The following WWP2 variants were observed in gnomAD, a reference collection of about 807,000 sequenced individuals.
The protein encoded by WWP2 is WW domain containing E3 ubiquitin protein ligase 2, also known as NEDD4-like E3 ubiquitin-protein ligase WWP2.
WWP2 carries 57 observed loss-of-function variants against 121.0 expected under a neutral mutation model. The observed-to-expected ratio is 0.47, with a 90% CI of 0.38 to 0.59. The LOEUF is 0.59. Among genes scored for constraint, WWP2 ranks in the 20% least tolerant of loss-of-function variants. WWP2 has a pLI of 0.00. For synonymous variants in WWP2, 449 were observed against 441.3 expected, an observed-to-expected ratio of 1.02 and a Z score of -0.22; for missense variants, 962 against 1,158.9, an observed-to-expected ratio of 0.83 and a Z score of 2.47.
At chr16:69,777,237 C>T (rs2151777464) in intron 1 of WWP2, among the ~76,000 whole-genome samples, 1 of 151,218 alleles carries the variant, frequency 6.6e-6, no homozygotes, top group East Asian at 1.9e-4. Flanking sequence ...AATATATATA[C>T]ATGTATATTT....
At chr16:69,894,405 C>T (rs546772274) in intron 8 of WWP2, among the ~76,000 whole-genome samples, 1 of 152,242 alleles carries the variant, frequency 6.6e-6, no homozygotes, top group East Asian at 1.9e-4. Context: ...AAATATGCAG[C>T]AGATGAGACT....
intron 6 of WWP2, among the ~76,000 whole-genome samples, chr16:69,867,962 A>G (rs1446110206): frequency 2.0e-5 from 3 of 152,232 alleles, no homozygotes; most frequent in Non-Finnish European, 4.4e-5. Context: ...TGGTTTCAGC[A>G]TCTGGGCCAG....
chr16:69,769,038 G>A (rs113299486), intron 1 of WWP2, among the ~76,000 whole-genome samples: 11 of 152,294 alleles, frequency 7.2e-5, no homozygotes, highest in African/African-American at 2.4e-4. Context: ...ATGAGTGCAG[G>A]CTGGGCGCAG....
At chr16:69,854,226 C>G (rs2057270076) in intron 6 of WWP2, among the ~76,000 whole-genome samples, 1 of 152,202 alleles carries the variant, frequency 6.6e-6, no homozygotes, top group Non-Finnish European at 1.5e-5. Flanking sequence ...ACTTTCTAGT[C>G]TTGAGAGCTT....
rs948898560 is a variant in WWP2 at position 69,806,705 on chromosome 16, A to G, written c.340+7410A>G. ...AAATTTATTAGAATAAGGGTTTTAAATATCATTCTCAGTTTAAAAACGTCT... is the reference window on the plus strand; with the variant it reads ...AAATTTATTAGAATAAGGGTTTTAAGTATCATTCTCAGTTTAAAAACGTCT... On this transcript the variant is annotated intron_variant, in intron 4 of 23. Transcript: ENST00000359154. Among the ~76,000 whole-genome samples the G allele has an allele frequency of 2.0e-5, 3 of 152,254 alleles. No homozygotes were observed. The South Asian group carries it at 6.2e-4, about 32-fold the overall frequency.
At chr16:69,910,630 T>C (rs1007418507) in intron 9 of WWP2, among the ~76,000 whole-genome samples, 6 of 152,198 alleles carry the variant, frequency 3.9e-5, no homozygotes, top group African/African-American at 1.4e-4. Context: ...AGGCTGGTCT[T>C]GAACTCTTGA....
intron 8 of WWP2, among the ~76,000 whole-genome samples, chr16:69,892,586 T>G (rs2058046764): frequency 6.6e-6 from 1 of 152,200 alleles, no homozygotes; most frequent in Non-Finnish European, 1.5e-5. Flanking sequence ...CAAGCTGGAG[T>G]GCAGTTGTGC....
chr16:69,840,395 C>A, intron 5 of WWP2, 132 bp downstream of exon 5: 1 of 1,218,924 alleles, frequency 8.2e-7, no homozygotes. Context: ...CCATAGCTAG[C>A]CCGGACTCTT....
intron 8 of WWP2, among the ~76,000 whole-genome samples, chr16:69,904,916 C>G (rs1008856282): frequency 2.0e-5 from 3 of 152,216 alleles, no homozygotes; most frequent in Admixed American, 6.5e-5. Context: ...AAGCTGTCTC[C>G]ATACTTCCAG....
At chr16:69,818,974 A>G (rs1264383853) in intron 4 of WWP2, among the ~76,000 whole-genome samples, 1 of 152,138 alleles carries the variant, frequency 6.6e-6, no homozygotes, top group East Asian at 1.9e-4. Flanking sequence ...GAACTGTTGA[A>G]ATCTGAGTCA....
intron 1 of WWP2, among the ~76,000 whole-genome samples, chr16:69,766,816 C>T (rs1597630706): frequency 6.6e-6 from 1 of 152,080 alleles, no homozygotes; most frequent in African/African-American, 2.4e-5. Context: ...TGCAATGGTA[C>T]GATCTTGGCT....
intron 7 of WWP2, among the ~76,000 whole-genome samples, chr16:69,872,321 ATTC>A (rs2057656683): frequency 6.6e-6 from 1 of 150,726 alleles, no homozygotes; most frequent in Non-Finnish European, 1.5e-5. Flanking sequence ...GGTTCATGCC[ATTC>A]TTCTGCCTCA....
chr16:69,775,270 C>A (rs1281197281), intron 1 of WWP2: 1 of 152,146 alleles, frequency 6.6e-6, no homozygotes, highest in Non-Finnish European at 1.5e-5. Context: ...GGTCATATGA[C>A]CCGTTTCAGG....
At chr16:69,850,367 A>G (rs2057182885) in intron 6 of WWP2, among the ~76,000 whole-genome samples, 1 of 148,290 alleles carries the variant, frequency 6.7e-6, no homozygotes, top group African/African-American at 2.5e-5. Flanking sequence ...AGCCTGGGCA[A>G]CAGACTGAGA....
At position 69,941,527 on chromosome 16, in the gene WWP2, T is replaced by G. The variant is rs2058880547; in HGVS notation, c.*1587T>G. On this transcript the variant is annotated 3_prime_UTR_variant, in exon 24 of 24. Coordinates refer to ENST00000359154, the MANE Select transcript of WWP2 (RefSeq NM_001270454.2). Reference sequence around the variant, plus strand: ...CGTTACCATGGAAGCCGCTCCAGGGTGGGTCAGGGTGCAAGCTGCTGGTGA... The same window carrying G: ...CGTTACCATGGAAGCCGCTCCAGGGGGGGTCAGGGTGCAAGCTGCTGGTGA... The G allele has an allele frequency of 6.5e-6, 1 of 153,842 alleles. No homozygotes were observed. The highest frequency in any genetic ancestry group is 1.5e-5 in the Non-Finnish European group (1 of 68,182). The allele number at this position is 153,842 out of a possible 1,614,324, so 9.5% of individuals were successfully genotyped here.
chr16:69,918,187 C>G (rs537166424), intron 10 of WWP2, among the ~76,000 whole-genome samples: 1 of 152,220 alleles, frequency 6.6e-6, no homozygotes, highest in Non-Finnish European at 1.5e-5. Context: ...TTTTCCCTGA[C>G]TTGCACCCTG....
At chr16:69,866,799 CGTATTTATTTAT>C (rs965406435) in intron 6 of WWP2, among the ~76,000 whole-genome samples, 1 of 143,652 alleles carries the variant, frequency 7.0e-6, no homozygotes, top group African/African-American at 2.6e-5. Flanking sequence ...CTTTCAGTTC[CGTATTTATTTAT>C]TTATTTATTT....
intron 9 of WWP2, 28 bp from the exon 10 acceptor site, chr16:69,917,681 A>G (rs201266641): frequency 1.9e-6 from 3 of 1,592,992 alleles, no homozygotes; most frequent in Admixed American, 3.3e-5. Context: ...GGTGGTCATT[A>G]TATTCATTCT....
At chr16:69,900,813 C>T (rs992277996) in intron 8 of WWP2, among the ~76,000 whole-genome samples, 1 of 152,024 alleles carries the variant, frequency 6.6e-6, no homozygotes, top group Non-Finnish European at 1.5e-5. Context: ...CGTGAGTCAC[C>T]GTGCCTGGCT....
Sources: allele counts gnomAD v4.1 joint callset (sites outside exome capture counted in the v4.1 genomes callset), GRCh38; gene constraint gnomAD v4.1.1; transcripts MANE v1.5; gene names NCBI Gene and HGNC (gene_info 2026-07-23, HGNC 2026-07-21).